The following PHF8 variants were observed in gnomAD, a reference collection of about 807,000 sequenced individuals.
The protein encoded by PHF8 is PHD finger protein 8.
In PHF8, 9 loss-of-function variants were observed where a neutral mutation model predicts 74.4. The ratio of observed to expected loss-of-function variants is 0.12; its 90% CI spans 0.07 to 0.21. PHF8 has a LOEUF of 0.21. Among genes scored for constraint, PHF8 ranks in the 10% least tolerant of loss-of-function variants. The pLI, the probability that PHF8 is intolerant of heterozygous loss-of-function variation, is 1.00. For synonymous variants in PHF8, 311 were observed against 316.6 expected (o/e 0.98, Z 0.19); for missense variants, 478 against 816.6 (o/e 0.59, Z 5.05).
upstream of PHF8, chrX:54,045,070 C>T (rs2066622063): frequency 2.0e-5 from 9 of 449,202 alleles, no homozygotes; most frequent in Non-Finnish European, 2.7e-5. Context: ...GTTCTGTCCC[C>T]AGGCCCTCAG....
rs782325007 is a variant in PHF8, at chrX:53,992,804, A to G, written c.1662T>C (p.Asp554=). 25 of 1,201,929 alleles carry G rather than the reference A, an allele frequency of 2.1e-5. No individual in the cohort carries two copies. The African/African-American group carries it at 4.1e-4, about 20-fold the overall frequency. The change falls in exon 14 of 22, where the codon GAT becomes GAC. Residue 554 remains aspartate, a synonymous_variant. Coordinates refer to ENST00000338154, the MANE Select transcript of PHF8 (RefSeq NM_015107.3). The part of the protein sequence containing the change: ...NITGACLNDS[D]DDSPDLDLDG... ...CAAGGTCCAAGTCTGGTGAGTCGTC[A>G]TCTGAGTCATTCAAGCAGGCACCAG...
chrX:53,962,483 CCTT>C (rs782118720), intron 19 of PHF8, among the ~76,000 whole-genome samples: 5 of 111,272 alleles, frequency 4.5e-5, no homozygotes, highest in Non-Finnish European at 9.4e-5. Flanking sequence ...GAATTTCCCT[CCTT>C]GACAACAAAA....
intron 21 of PHF8, among the ~76,000 whole-genome samples, chrX:53,939,957 C>T (rs1557082907): frequency 1.8e-5 from 2 of 110,892 alleles, no homozygotes; most frequent in Non-Finnish European, 3.8e-5. Context: ...CTAGCCCACC[C>T]TCTACCTCCT....
chrX:54,003,654 C>T (rs2065858214), intron 8 of PHF8, among the ~76,000 whole-genome samples: 1 of 111,966 alleles, frequency 8.9e-6, no homozygotes, highest in South Asian at 3.7e-4. Context: ...TGAGCCACTG[C>T]ACCCGGCCTA....
At chrX:53,979,681 C>T (rs1255711322) in intron 18 of PHF8, among the ~76,000 whole-genome samples, 1 of 111,959 alleles carries the variant, frequency 8.9e-6, no homozygotes, top group African/African-American at 3.2e-5. Flanking sequence ...ACTGTATTAA[C>T]AAATTAACAT....
chrX:53,964,640 TG>T (rs1190096945), intron 18 of PHF8, among the ~76,000 whole-genome samples: 1 of 110,581 alleles, frequency 9.0e-6, no homozygotes, highest in South Asian at 3.8e-4. Flanking sequence ...CTGAGGCAGG[TG>T]GATCACCTGA....
At chrX:54,047,595 A>AT (rs1221408966), upstream of PHF8, among the ~76,000 whole-genome samples, 1 of 111,780 alleles carries the variant, frequency 8.9e-6, no homozygotes, top group Non-Finnish European at 1.9e-5. Flanking sequence ...TTTCATTCAC[A>AT]TATTTTCTTG....
At chrX:54,041,171 G>A (rs2066546302) in intron 2 of PHF8, among the ~76,000 whole-genome samples, 1 of 109,867 alleles carries the variant, frequency 9.1e-6, no homozygotes, top group African/African-American at 3.3e-5. Flanking sequence ...CTTGAGGTCA[G>A]GAGTTTGAGA....
At chrX:54,043,436 G>A (rs1356523177) in intron 1 of PHF8, among the ~76,000 whole-genome samples, 1 of 110,491 alleles carries the variant, frequency 9.1e-6, no homozygotes, top group Non-Finnish European at 1.9e-5. Context: ...TTCCTTCCCC[G>A]ACCAGTCAGG....
chrX:54,048,285 C>G (rs1569530716), upstream of PHF8, among the ~76,000 whole-genome samples: 1 of 110,983 alleles, frequency 9.0e-6, no homozygotes, highest in Non-Finnish European at 1.9e-5. Flanking sequence ...GAATTAGAGA[C>G]CCTGTGTGTA....
intron 20 of PHF8, among the ~76,000 whole-genome samples, chrX:53,941,919 T>C (rs1557083657): frequency 9.0e-6 from 1 of 111,427 alleles, no homozygotes; most frequent in Non-Finnish European, 1.9e-5. Flanking sequence ...GGCTTCAGAA[T>C]CTCTTCCCTC....
intron 13 of PHF8, 29 bp downstream of exon 13, chrX:53,993,572 T>A: frequency 8.4e-7 from 1 of 1,185,164 alleles, no homozygotes; most frequent in Non-Finnish European, 1.1e-6. Flanking sequence ...CCCAAAAGGG[T>A]TGGGCTGAAC....
intron 16 of PHF8, among the ~76,000 whole-genome samples, chrX:53,986,513 G>A (rs1248255627): frequency 1.8e-5 from 2 of 112,807 alleles, no homozygotes; most frequent in Non-Finnish European, 3.8e-5. Context: ...GATTACAGGC[G>A]TGAGCCACCA....
chrX:54,025,122 C>T (rs782122475), intron 2 of PHF8, among the ~76,000 whole-genome samples: 102 of 111,294 alleles, frequency 9.2e-4, no homozygotes, highest in African/African-American at 2.9e-3. Flanking sequence ...GTGATCCGCC[C>T]GCCTCGGCCT....
chrX:53,971,690 A>G (rs1159642636), intron 18 of PHF8, among the ~76,000 whole-genome samples: 3 of 111,784 alleles, frequency 2.7e-5, no homozygotes, highest in Non-Finnish European at 3.8e-5. Context: ...ACCATCAGAG[A>G]ATACTATAAA....
At chrX:54,047,086 TC>T (rs2066638176), upstream of PHF8, among the ~76,000 whole-genome samples, 1 of 111,940 alleles carries the variant, frequency 8.9e-6, no homozygotes, top group Non-Finnish European at 1.9e-5. Flanking sequence ...AAGTGACAGG[TC>T]CTGCAGTTTA....
At chrX:53,972,926 G>A (rs1212255677) in intron 18 of PHF8, among the ~76,000 whole-genome samples, 2 of 111,792 alleles carry the variant, frequency 1.8e-5, no homozygotes, top group African/African-American at 6.5e-5. Context: ...AGCTTCTTCA[G>A]CTGATAAGCA....
At chrX:54,042,878 CACCA>C (rs1210821974) in intron 1 of PHF8, 58 bp from the exon 2 acceptor site, 2 of 751,753 alleles carry the variant, frequency 2.7e-6, no homozygotes, top group African/African-American at 4.8e-5. Flanking sequence ...CACCCCCTTG[CACCA>C]ACCCTCAGTT....
In PHF8 at chrX:53,940,314, T is replaced by C; in HGVS notation, c.2852A>G (p.Asp951Gly). ...ATTGGGACGAGCGGTGTACTCATGG[T>C]CAGCGAGACTTCCTGACAGGGCCTC... is the stretch of plus-strand genomic sequence containing the variant. Reference protein sequence around the residue: ...KQEALSGSLADHEYTARPNAF... With the variant: ...KQEALSGSLAGHEYTARPNAF... Residue 951 changes from aspartate to glycine, a missense_variant, in exon 21 of 22, where the codon GAC (aspartate) becomes GGC (glycine). Physicochemically the swap from Asp to Gly is moderately conservative, Grantham distance 94. This residue lies in a region of PHF8 where 75 missense variants were observed against 93.3 expected (regional missense o/e 0.80). Coordinates refer to ENST00000338154, the MANE Select transcript of PHF8 (RefSeq NM_015107.3). 1 of 1,208,613 alleles carries C rather than the reference T, an allele frequency of 8.3e-7. No homozygotes were observed. The highest frequency in any genetic ancestry group is 1.1e-6 in the Non-Finnish European group (1 of 893,867).
Sources: allele counts gnomAD v4.1 joint callset (sites outside exome capture counted in the v4.1 genomes callset), GRCh38; gene constraint gnomAD v4.1.1; regional missense constraint gnomAD v4.1.1; transcripts MANE v1.5; gene names NCBI Gene and HGNC (gene_info 2026-07-23, HGNC 2026-07-21).